The following USP32 variants were observed in gnomAD, a reference collection of about 807,000 sequenced individuals.
The protein encoded by USP32 is ubiquitin specific peptidase 32.
In USP32, 59 loss-of-function variants were observed where a neutral mutation model predicts 204.8. That is an observed-to-expected ratio of 0.29 (90% CI 0.23 to 0.36). The LOEUF is 0.36. USP32 is among the 10% of genes least tolerant of loss of function. The pLI, the probability that USP32 is intolerant of heterozygous loss-of-function variation, is 1.00. For missense variants in USP32, 1,160 were observed against 1,946.4 expected (o/e 0.60, Z 7.60); for synonymous variants, 517 against 678.4 (o/e 0.76, Z 3.70).
At position 60,207,124 on chromosome 17, in the gene USP32, A is replaced by G; in HGVS notation, c.2934T>C (p.Pro978=). 6.2e-7 allele frequency: 1 copy of G among 1,610,570 alleles called. No homozygotes were observed. Among genetic ancestry groups the G allele is most frequent in the South Asian group, 1.1e-5 (1 of 90,456 alleles). The change falls in exon 25 of 34, where the codon CCT becomes CCC. Residue 978 remains proline (P), a synonymous_variant. Transcript: ENST00000300896. ...EVHGSNIKNF[P]QDNQKVRLSV... ...AGAGTCGTACTTTTTGGTTGTCCTG[A>G]GGAAAGTTCTACAGAAACAGAAGCA...
intron 25 of USP32, among the ~76,000 whole-genome samples, chr17:60,206,370 A>T (rs2084825129): frequency 6.7e-6 from 1 of 149,454 alleles, no homozygotes. Flanking sequence ...TCTCACTCAC[A>T]CTAACCACAT....
Position 60,420,630 on chromosome 17 carries a change from G to T in USP32, c.106+1616C>A, listed in dbSNP as rs538621808. Among the ~76,000 whole-genome samples, 63 of 152,260 alleles carry T rather than the reference G, an allele frequency of 4.1e-4. 1 individual carries two copies. In the South Asian group the frequency reaches 0.012, roughly 30 times the overall value. On this transcript the variant is annotated intron_variant, in intron 1 of 3. Coordinates refer to the USP32 transcript ENST00000588898. Reference sequence around the variant, plus strand: ...TGCAGTGAGCCGAGATCACGCCATTGCTCCAGCCTGGGCAATAAGAGCAAA... The same window carrying T: ...TGCAGTGAGCCGAGATCACGCCATTTCTCCAGCCTGGGCAATAAGAGCAAA...
At chr17:60,312,528 TGATCCTCCCAAGAGTCCTTGGGAGTCTG>T (rs1231891838) in intron 2 of USP32, among the ~76,000 whole-genome samples, 2 of 150,876 alleles carry the variant, frequency 1.3e-5, no homozygotes, top group Non-Finnish European at 2.9e-5. Context: ...CAGGCTCAAG[TGATCCTCCCAAGAGTCCTTGGGAGTCTG>T]AGGACTCCCA....
chr17:60,307,649 G>C (rs1030714046), intron 2 of USP32, among the ~76,000 whole-genome samples: 7 of 151,992 alleles, frequency 4.6e-5, no homozygotes, highest in African/African-American at 1.5e-4. Context: ...ACTGATACAG[G>C]AGCAGGGCAG....
At chr17:60,255,544 C>T (rs1185978888) in intron 9 of USP32, among the ~76,000 whole-genome samples, 3 of 152,112 alleles carry the variant, frequency 2.0e-5, no homozygotes, top group Non-Finnish European at 2.9e-5. Flanking sequence ...GTGATCCATC[C>T]GCCTTGGCCT....
intron 32 of USP32, 112 bp downstream of exon 32, chr17:60,181,212 C>T: frequency 7.2e-7 from 1 of 1,379,434 alleles, no homozygotes; most frequent in South Asian, 1.4e-5. Flanking sequence ...TATCACTAAG[C>T]TCAATGCTAG....
At chr17:60,196,900 G>A (rs555056151) in intron 27 of USP32, among the ~76,000 whole-genome samples, 3 of 151,828 alleles carry the variant, frequency 2.0e-5, no homozygotes, top group Non-Finnish European at 2.9e-5. Flanking sequence ...TTTAAATCTG[G>A]CCAGGTGTGG....
intron 5 of USP32, among the ~76,000 whole-genome samples, chr17:60,278,715 A>G (rs1458492750): frequency 6.6e-6 from 1 of 152,222 alleles, no homozygotes; most frequent in Non-Finnish European, 1.5e-5. Flanking sequence ...TATAAAGATA[A>G]CAGTTGAACC....
intron 1 of USP32, among the ~76,000 whole-genome samples, chr17:60,385,288 T>TATC (rs2089711131): frequency 6.6e-6 from 1 of 152,138 alleles, no homozygotes; most frequent in Admixed American, 6.5e-5. Context: ...GCCCCATCCC[T>TATC]ATCTCCCTTC....
Position 60,420,690 on chromosome 17 carries a change from C to A in USP32, c.106+1556G>T, listed in dbSNP as rs758084341. ...CAAAAACAAACAACAAACAAACAAA[C>A]AAAAAAACCTCTTTCCTGACTGTAA... On this transcript the variant is annotated intron_variant, in intron 1 of 3. Transcript: ENST00000588898. Among the ~76,000 whole-genome samples the A allele has an allele frequency of 1.3e-4, 19 of 151,806 alleles. 1 individual carries two copies. The highest frequency in any genetic ancestry group is 3.2e-3 in the Middle Eastern group (1 of 316).
intron 5 of USP32, among the ~76,000 whole-genome samples, chr17:60,275,174 T>C (rs1197717995): frequency 1.3e-5 from 2 of 152,140 alleles, no homozygotes; most frequent in Non-Finnish European, 2.9e-5. Context: ...TGAGAAGTAT[T>C]GGCCGGGCGC....
chr17:60,422,399 G>C (rs936455920), exon 1 of USP32: 139 of 1,397,120 alleles, frequency 9.9e-5, no homozygotes, highest in Admixed American at 1.5e-4. Flanking sequence ...GCCAGCTGCA[G>C]CCACCCCTAA....
intron 1 of USP32, among the ~76,000 whole-genome samples, chr17:60,414,645 C>T (rs2090046522): frequency 6.6e-6 from 1 of 151,380 alleles, no homozygotes; most frequent in South Asian, 2.1e-4. Flanking sequence ...GTCAGGTTGG[C>T]CTCGAACTCC....
chr17:60,196,659 T>C (rs1290021247), intron 27 of USP32, among the ~76,000 whole-genome samples: 2 of 151,546 alleles, frequency 1.3e-5, no homozygotes, highest in East Asian at 3.9e-4. Context: ...ACCCTGTCTG[T>C]ACTAAAAATA....
intron 9 of USP32, among the ~76,000 whole-genome samples, chr17:60,264,165 T>G (rs1313268656): frequency 1.3e-5 from 2 of 152,094 alleles, no homozygotes; most frequent in African/African-American, 4.8e-5. Flanking sequence ...ATTTTTGCTA[T>G]TACATGCTTA....
chr17:60,232,544 T>C lies in USP32; in HGVS notation c.1239+3594A>G, dbSNP rs543516234. Among the ~76,000 whole-genome samples, 3 of 143,234 alleles carry C rather than the reference T, an allele frequency of 2.1e-5. No homozygotes were observed. The South Asian group carries it at 6.4e-4, about 31-fold the overall frequency. 94.0% of individuals were successfully genotyped at this position (143,234 alleles called of 152,430 possible). On this transcript the variant is annotated intron_variant, in intron 12 of 33. Transcript: ENST00000300896. ...GCCACATGGACTGGAAAGAGAAATT[T>C]GATTTTTTTTTTTTTTTTTTTAAAT...
intron 29 of USP32, among the ~76,000 whole-genome samples, chr17:60,188,828 C>T (rs2084309338): frequency 6.6e-6 from 1 of 152,200 alleles, no homozygotes; most frequent in Admixed American, 6.5e-5. Context: ...ACTTTCTAAG[C>T]ACATTCAGAA....
chr17:60,391,585 G>A (rs2089834497), intron 1 of USP32, among the ~76,000 whole-genome samples: 1 of 152,134 alleles, frequency 6.6e-6, no homozygotes, highest in Non-Finnish European at 1.5e-5. Context: ...AAGAAAACGG[G>A]GAGAGGACTT....
chr17:60,299,302 C>T (rs1297644926), intron 3 of USP32, among the ~76,000 whole-genome samples: 1 of 152,184 alleles, frequency 6.6e-6, no homozygotes, highest in Non-Finnish European at 1.5e-5. Flanking sequence ...GATCTAGCAA[C>T]TTATTATAAT....
Sources: allele counts gnomAD v4.1 joint callset (sites outside exome capture counted in the v4.1 genomes callset), GRCh38; gene constraint gnomAD v4.1.1; transcripts MANE v1.5; gene names NCBI Gene and HGNC (gene_info 2026-07-23, HGNC 2026-07-21).